Variants in EEFSEC observed in about 807,000 individuals in gnomAD.
EEFSEC encodes the protein eukaryotic elongation factor, selenocysteine-tRNA specific.
Under a neutral mutation model 42.1 loss-of-function variants are expected in EEFSEC, and 43 were observed. That is an observed-to-expected ratio of 1.02 (90% CI 0.80 to 1.32). EEFSEC has a LOEUF of 1.32. EEFSEC is among the 40% of genes most tolerant of loss of function. The probability of loss-of-function intolerance (pLI) is 0.00; values close to 1 mark genes in which losing one functional copy is unlikely to be tolerated. For missense variants in EEFSEC, 745 were observed against 803.6 expected (o/e 0.93, Z 0.88); for synonymous variants, 354 against 339.1 (o/e 1.04, Z -0.48).
chr3:128,281,882 G>A (rs922993073), intron 4 of EEFSEC, among the ~76,000 whole-genome samples: 12 of 152,200 alleles, frequency 7.9e-5, no homozygotes, highest in Non-Finnish European at 1.5e-5. Flanking sequence ...GGAAGCTGGG[G>A]CGTTCCCCTG....
chr3:128,172,010 C>G (rs940573367), intron 1 of EEFSEC, among the ~76,000 whole-genome samples: 1 of 152,116 alleles, frequency 6.6e-6, no homozygotes, highest in African/African-American at 2.4e-5. Flanking sequence ...TGAAAATACT[C>G]TGTCATTTTA....
intron 2 of EEFSEC, among the ~76,000 whole-genome samples, chr3:128,255,963 T>G (rs1037472784): frequency 2.0e-5 from 3 of 151,994 alleles, no homozygotes; most frequent in African/African-American, 7.3e-5. Context: ...TTCGCCTGGC[T>G]TCTGTTTGGG....
intron 1 of EEFSEC, among the ~76,000 whole-genome samples, chr3:128,223,993 C>A (rs928858939): frequency 1.4e-5 from 2 of 147,518 alleles, no homozygotes; most frequent in Non-Finnish European, 3.0e-5. Flanking sequence ...AAAAAAAAAA[C>A]ATTTTCTATT....
intron 4 of EEFSEC, among the ~76,000 whole-genome samples, chr3:128,330,041 C>T (rs1304941219): frequency 2.0e-5 from 3 of 152,198 alleles, no homozygotes; most frequent in Non-Finnish European, 4.4e-5. Flanking sequence ...ATTCCTTACC[C>T]CCTAAAAAGC....
chr3:128,172,166 T>G (rs2065305730), intron 1 of EEFSEC, among the ~76,000 whole-genome samples: 1 of 152,214 alleles, frequency 6.6e-6, no homozygotes, highest in South Asian at 2.1e-4. Flanking sequence ...CTCATATCTT[T>G]CTGCTCTCTC....
At chr3:128,367,440 GT>G (rs2067603474) in intron 6 of EEFSEC, among the ~76,000 whole-genome samples, 1 of 152,226 alleles carries the variant, frequency 6.6e-6, no homozygotes, top group South Asian at 2.1e-4. Flanking sequence ...ACAAATTGGA[GT>G]CTCAGTGCCC....
Position 128,209,232 on chromosome 3 carries a change from G to A in EEFSEC, c.317-37604G>A, listed in dbSNP as rs148068887. ...GAGCCTTTCATCCTTAATACACTTC[G>A]GTGTATCGTGAATCTTAAAGAGTGA... is the stretch of plus-strand genomic sequence containing the variant. On this transcript the variant is annotated intron_variant, in intron 1 of 6. Coordinates refer to ENST00000254730, the MANE Select transcript of EEFSEC (RefSeq NM_021937.5). 9.2e-5 allele frequency among the ~76,000 whole-genome samples: 14 copies of A among 152,268 alleles called. No homozygotes were observed. The East Asian group carries it at 2.3e-3, about 25-fold the overall frequency.
intron 6 of EEFSEC, among the ~76,000 whole-genome samples, chr3:128,370,728 T>C (rs2067643758): frequency 1.3e-5 from 2 of 152,250 alleles, no homozygotes; most frequent in African/African-American, 4.8e-5. Context: ...GGACTGGCTC[T>C]AGGCCCATCC....
chr3:128,202,295 T>C (rs6792294), intron 1 of EEFSEC, among the ~76,000 whole-genome samples: 2,431 of 152,302 alleles, frequency 0.016, 62 homozygotes, highest in African/African-American at 0.054. Flanking sequence ...AAACTGACTC[T>C]TAACAATATT....
chr3:128,264,251 GA>G (rs2066328278), intron 3 of EEFSEC, among the ~76,000 whole-genome samples: 1 of 152,184 alleles, frequency 6.6e-6, no homozygotes, highest in Admixed American at 6.5e-5. Flanking sequence ...GGAGGCTGGG[GA>G]AATGCATGAG....
At chr3:128,377,180 C>A (rs1454400080) in intron 6 of EEFSEC, among the ~76,000 whole-genome samples, 2 of 152,114 alleles carry the variant, frequency 1.3e-5, no homozygotes, top group African/African-American at 4.8e-5. Flanking sequence ...CTCTGCAAAG[C>A]CTTCTTTTTA....
At chr3:128,167,823 T>C (rs2107771275) in intron 1 of EEFSEC, among the ~76,000 whole-genome samples, 1 of 152,332 alleles carries the variant, frequency 6.6e-6, no homozygotes, top group Non-Finnish European at 1.5e-5. Flanking sequence ...TATTTTCCTT[T>C]CTCCATGCAG....
At chr3:128,195,492 GAC>G (rs1040193726) in intron 1 of EEFSEC, among the ~76,000 whole-genome samples, 1 of 152,146 alleles carries the variant, frequency 6.6e-6, no homozygotes, top group Non-Finnish European at 1.5e-5. Flanking sequence ...CAGATAAAAG[GAC>G]ACTCCAAAGC....
chr3:128,414,311 C>A, the EEFSEC span, among the ~76,000 whole-genome samples: 12 of 152,228 alleles, frequency 7.9e-5, no homozygotes, highest in African/African-American at 2.4e-5. Flanking sequence ...CCACCCTGGG[C>A]CTGCCCCCAT....
At chr3:128,236,582 A>T (rs2066013176) in intron 1 of EEFSEC, among the ~76,000 whole-genome samples, 1 of 152,048 alleles carries the variant, frequency 6.6e-6, no homozygotes, top group South Asian at 2.1e-4. Context: ...TTTAATTTGC[A>T]TTTTTTTGTT....
At chr3:128,348,432 T>C (rs11709611) in intron 5 of EEFSEC, among the ~76,000 whole-genome samples, 20,422 of 152,184 alleles carry the variant, frequency 0.13, 1,538 homozygotes, top group African/African-American at 0.2. Context: ...TTCAATCTTT[T>C]GATTACTTTG....
intron 1 of EEFSEC, among the ~76,000 whole-genome samples, chr3:128,233,427 G>A (rs1206089494): frequency 6.6e-6 from 1 of 152,196 alleles, no homozygotes; most frequent in African/African-American, 2.4e-5. Context: ...CATGGATGGA[G>A]AACCCTGGCT....
chr3:128,307,916 T>C (rs1356261830), intron 4 of EEFSEC, among the ~76,000 whole-genome samples: 1 of 152,228 alleles, frequency 6.6e-6, no homozygotes, highest in Non-Finnish European at 1.5e-5. Context: ...AGGCCTCTCC[T>C]GGGCTTTGTG....
intron 4 of EEFSEC, among the ~76,000 whole-genome samples, chr3:128,288,639 A>G (rs1231468181): frequency 6.6e-6 from 1 of 152,230 alleles, no homozygotes; most frequent in African/African-American, 2.4e-5. Flanking sequence ...CTGCCAGTAC[A>G]TTGGTTGGAG....
Sources: gnomAD v4.1 joint callset for allele counts (sites outside exome capture counted in the v4.1 genomes callset) on GRCh38, gnomAD v4.1.1 for gene constraint, MANE v1.5 for transcripts, NCBI Gene and HGNC (gene_info 2026-07-23, HGNC 2026-07-21) for gene names.